The following PGPEP1 variants were observed in gnomAD, a reference collection of about 807,000 sequenced individuals.
PGPEP1 encodes the protein pyroglutamyl-peptidase 1.
A neutral mutation model predicts 24.1 loss-of-function variants in PGPEP1; 15 were observed. The observed-to-expected ratio is 0.62, with a 90% CI of 0.42 to 0.96. The LOEUF is 0.96. Ranked by LOEUF, PGPEP1 falls within the 40% of genes least tolerant of loss-of-function variation. PGPEP1 has a pLI of 0.00. For missense variants in PGPEP1, 242 were observed against 273.4 expected, an observed-to-expected ratio of 0.89 and a Z score of 0.81; for synonymous variants, 122 against 116.4, an observed-to-expected ratio of 1.05 and a Z score of -0.31.
At position 18,342,906 on chromosome 19, in the gene PGPEP1, G is replaced by A. The variant is rs1970715464; in HGVS notation, c.82G>A (p.Val28Ile). 4 of 1,612,866 alleles carry A rather than the reference G, an allele frequency of 2.5e-6. No homozygotes were observed. Among genetic ancestry groups the A allele is most frequent in the Non-Finnish European group, 3.4e-6 (4 of 1,178,870 alleles). The change falls in exon 2 of 5, where the codon GTT becomes ATT. Residue 28 changes from valine (V) to isoleucine (I), a missense_variant. By Grantham distance (29) the Val-to-Ile change is conservative. Coordinates refer to ENST00000269919, the MANE Select transcript of PGPEP1 (RefSeq NM_017712.4). The part of the protein sequence containing the change: ...EHTVNASWIA[V>I]QELEKLGLGD... ...CACCGTGAACGCCAGTTGGATTGCAGTTCAGGTAACTTAGATCCGGAGGGT... is the reference window on the plus strand; with the variant it reads ...CACCGTGAACGCCAGTTGGATTGCAATTCAGGTAACTTAGATCCGGAGGGT...
At position 18,355,881 on chromosome 19, in the gene PGPEP1, C is replaced by G. The variant is rs1376548866; in HGVS notation, c.88-14C>G. Reference sequence around the variant, plus strand: ...CATCTGGGGCCATGACACTCCCACTCTCCTCTCTTCCAGGAGCTAGAAAAG... The same window carrying G: ...CATCTGGGGCCATGACACTCCCACTGTCCTCTCTTCCAGGAGCTAGAAAAG... On this transcript the variant is annotated splice_polypyrimidine_tract_variant and intron_variant, in intron 2 of 4. Transcript: ENST00000269919. 1.3e-6 allele frequency: 2 copies of G among 1,555,634 alleles called. No individual in the cohort carries two copies. The highest frequency in any genetic ancestry group is 8.9e-7 in the Non-Finnish European group (1 of 1,127,092).
Position 18,342,883 on chromosome 19 carries a change from C to G in PGPEP1, c.59C>G (p.Thr20Ser), listed in dbSNP as rs1342038877. 2.5e-6 allele frequency: 4 copies of G among 1,613,798 alleles called. No individual in the cohort carries two copies. The highest frequency in any genetic ancestry group is 3.4e-6 in the Non-Finnish European group (4 of 1,179,800). ...GGATTTGGCCCTTTTGGGGAACACA[C>G]CGTGAACGCCAGTTGGATTGCAGTT... The part of the protein sequence containing the change: ...VTGFGPFGEH[T>S]VNASWIAVQE... The change falls in exon 2 of 5, where the codon ACC becomes AGC. Residue 20 changes from threonine (T) to serine (S), a missense_variant. Thr to Ser is a moderately conservative substitution (Grantham distance 58). Transcript: ENST00000269919.
At chr19:18,351,491 G>A (rs1227000242) in intron 2 of PGPEP1, among the ~76,000 whole-genome samples, 1 of 148,242 alleles carries the variant, frequency 6.7e-6, no homozygotes. Context: ...AGGCGTAGTG[G>A]TGCATGCCTG....
In PGPEP1 at chr19:18,364,103, T is replaced by TCTTG. The variant is rs1971446644; in HGVS notation, c.*523_*524insGCTT. On this transcript the variant is annotated 3_prime_UTR_variant, in exon 5 of 5. Coordinates refer to ENST00000269919, the MANE Select transcript of PGPEP1 (RefSeq NM_017712.4). ...GGCTGGCTTTCTTTCTTTCTTTCTT[T>TCTTG]CTTTCTTTCTTGCTTTCTTTCTTTC... 2 of 134,978 alleles carry TCTTG rather than the reference T, an allele frequency of 1.5e-5. No individual in the cohort carries two copies. Among genetic ancestry groups the TCTTG allele is most frequent in the African/African-American group, 6.4e-5 (2 of 31,360 alleles). 8.4% of individuals were successfully genotyped at this position (134,978 alleles called of 1,614,324 possible). A position where few individuals can be genotyped will look rare whatever the true frequency, so the allele number is the denominator to read the frequency against.
chr19:18,349,521 C>CA (rs1970960865), intron 2 of PGPEP1, among the ~76,000 whole-genome samples: 1 of 152,274 alleles, frequency 6.6e-6, no homozygotes, highest in Admixed American at 6.5e-5. Flanking sequence ...CCATGAGACT[C>CA]AAGACATCAC....
Position 18,365,061 on chromosome 19 carries a change from C to T in PGPEP1, c.*1478C>T, listed in dbSNP as rs887135952. On this transcript the variant is annotated 3_prime_UTR_variant, in exon 5 of 5. Coordinates refer to ENST00000269919, the MANE Select transcript of PGPEP1 (RefSeq NM_017712.4). ...GTTTTATGTAGATTGCTTTTGGACA[C>T]TCGCCCAGGAGTCAGGAGTTGATTT... 2 of 152,094 alleles carry T rather than the reference C, an allele frequency of 1.3e-5. No individual in the cohort carries two copies. The highest frequency in any genetic ancestry group is 2.9e-5 in the Non-Finnish European group (2 of 68,020). 9.4% of individuals were successfully genotyped at this position (152,094 alleles called of 1,614,324 possible). A position where few individuals can be genotyped will look rare whatever the true frequency, so the allele number is the denominator to read the frequency against.
At chr19:18,354,874 T>A (rs1198190934) in intron 2 of PGPEP1, among the ~76,000 whole-genome samples, 4 of 151,946 alleles carry the variant, frequency 2.6e-5, no homozygotes, top group Non-Finnish European at 5.9e-5. Flanking sequence ...ATTTGAACAC[T>A]TAAAATATGC....
chr19:18,362,167 G>A (rs973546272), intron 4 of PGPEP1, among the ~76,000 whole-genome samples: 5 of 152,138 alleles, frequency 3.3e-5, no homozygotes, highest in African/African-American at 4.8e-5. Flanking sequence ...AGCACTTTGG[G>A]AGGCCGAGGC....
intron 3 of PGPEP1, 21 bp from the exon 4 acceptor site, chr19:18,357,362 C>T (rs1971212422): frequency 6.3e-7 from 1 of 1,599,996 alleles, no homozygotes; most frequent in Non-Finnish European, 8.6e-7. Context: ...CATGTTAAGT[C>T]CTGCCCCTGT....
At chr19:18,348,973 G>A (rs756617020) in intron 2 of PGPEP1, 1 of 265,856 alleles carries the variant, frequency 3.8e-6, no homozygotes, top group Non-Finnish European at 5.8e-6. Context: ...ATATTGCCCT[G>A]GCTGGTCTTG....
intron 2 of PGPEP1, among the ~76,000 whole-genome samples, chr19:18,355,171 GT>G (rs1274809831): frequency 6.6e-6 from 1 of 151,470 alleles, no homozygotes; most frequent in Non-Finnish European, 1.5e-5. Flanking sequence ...GGGTTTCACT[GT>G]GTTAGCCAGG....
Position 18,357,596 on chromosome 19 carries a change from A to G in PGPEP1, c.418A>G (p.Ile140Val). Residue 140 changes from isoleucine (I) to valine (V), a missense_variant, in exon 4 of 5, where the codon ATC becomes GTC. Coordinates refer to ENST00000269919, the MANE Select transcript of PGPEP1 (RefSeq NM_017712.4). ...TTLGLDVSVT[I>V]SQDAGRYLCD... ...GTTGGGCCTGGATGTGTCGGTGACC[A>G]TCTCGCAGGATGCCGGCAGGTAGGG... 4 of 1,608,640 alleles carry G rather than the reference A, an allele frequency of 2.5e-6. No homozygotes were observed. The highest frequency in any genetic ancestry group is 3.4e-6 in the Non-Finnish European group (4 of 1,177,526).
chr19:18,363,033 T>TGTGTGTGTGTG (rs1971390850), intron 4 of PGPEP1, among the ~76,000 whole-genome samples: 16 of 136,788 alleles, frequency 1.2e-4, no homozygotes, highest in African/African-American at 3.3e-4. Flanking sequence ...TTTTTTTTGT[T>TGTGTGTGTGTG]TGTGTGTGTG....
Position 18,340,619 on chromosome 19 carries a change from A to G in PGPEP1, c.-63A>G, listed in dbSNP as rs1329549461. 2.8e-6 allele frequency: 4 copies of G among 1,446,866 alleles called. No homozygotes were observed. Among genetic ancestry groups the G allele is most frequent in the Non-Finnish European group, 3.7e-6 (4 of 1,082,902 alleles). The allele number at this position is 1,446,866 out of a possible 1,614,324, so 89.6% of individuals were successfully genotyped here. ...TGGCCTCGCGCGGCCGAGAGGCTGC[A>G]GCGGCAGCAGCTGTCGCGCCAGTCG... On this transcript the variant is annotated 5_prime_UTR_variant, in exon 1 of 5. Transcript: ENST00000269919.
intron 2 of PGPEP1, among the ~76,000 whole-genome samples, chr19:18,352,401 A>G: frequency 6.6e-6 from 1 of 151,106 alleles, no homozygotes; most frequent in East Asian, 1.9e-4. Flanking sequence ...ACAAGATCAT[A>G]CTACTGAATG....
chr19:18,354,581 G>A (rs984100726), intron 2 of PGPEP1, among the ~76,000 whole-genome samples: 14 of 151,714 alleles, frequency 9.2e-5, no homozygotes, highest in East Asian at 3.9e-4. Flanking sequence ...GCAGTGGCAC[G>A]ATCATAGCTC....
Position 18,352,266 on chromosome 19 carries a change from C to CAAAAAAAAAAAAAAAAAAAAAA in PGPEP1, c.88-3608_88-3607insAAAAAAAAAAAAAAAAAAAAAA, listed in dbSNP as rs60299417. Among the ~76,000 whole-genome samples, 94 of 43,624 alleles carry CAAAAAAAAAAAAAAAAAAAAAA rather than the reference C, an allele frequency of 2.2e-3. 10 individuals are homozygous for CAAAAAAAAAAAAAAAAAAAAAA. The highest frequency in any genetic ancestry group is 3.4e-3 in the Non-Finnish European group (78 of 23,090). 28.6% of individuals were successfully genotyped at this position (43,624 alleles called of 152,430 possible). On this transcript the variant is annotated intron_variant, in intron 2 of 4. Transcript: ENST00000269919. Reference sequence around the variant, plus strand: ...TGGGTGACAGAGCGAGACTCCGTCTCAAAAAAAAAAAAAAAAAAAAATTAG... The same window carrying CAAAAAAAAAAAAAAAAAAAAAA: ...TGGGTGACAGAGCGAGACTCCGTCTCAAAAAAAAAAAAAAAAAAAAAAAAAAAAAAAAAAAAAAAAAAATTAG...
At chr19:18,344,338 G>A (rs1252694274) in intron 2 of PGPEP1, among the ~76,000 whole-genome samples, 2 of 152,070 alleles carry the variant, frequency 1.3e-5, no homozygotes, top group Admixed American at 1.3e-4. Flanking sequence ...AGGCTGGGGA[G>A]CAATGCACAG....
intron 2 of PGPEP1, among the ~76,000 whole-genome samples, chr19:18,351,972 A>G (rs879309113): frequency 1.3e-5 from 2 of 151,880 alleles, no homozygotes; most frequent in African/African-American, 2.4e-5. Flanking sequence ...CTAAAAATAC[A>G]AAAATTAGTT....
Sources: allele counts gnomAD v4.1 joint callset (sites outside exome capture counted in the v4.1 genomes callset), GRCh38; gene constraint gnomAD v4.1.1; transcripts MANE v1.5; gene names NCBI Gene and HGNC (gene_info 2026-07-23, HGNC 2026-07-21).